Variants in IL5RA observed in about 807,000 individuals in gnomAD.
IL5RA encodes interleukin 5 receptor subunit alpha, also known as interleukin-5 receptor subunit alpha.
In IL5RA, 49 loss-of-function variants were observed where a neutral mutation model predicts 50.0. That is an observed-to-expected ratio of 0.98 (90% CI 0.78 to 1.24). The LOEUF is 1.24. IL5RA is among the 50% of genes most tolerant of loss of function. The pLI is 0.00. For synonymous variants in IL5RA, 202 were observed against 174.0 expected (o/e 1.16, Z -1.26); for missense variants, 600 against 500.4 (o/e 1.20, Z -1.90).
intron 9 of IL5RA, among the ~76,000 whole-genome samples, chr3:3,087,492 G>A (rs1034888968): frequency 6.6e-6 from 1 of 152,176 alleles, no homozygotes; most frequent in East Asian, 1.9e-4. Flanking sequence ...GGGTTAATTA[G>A]TTAATCAAAT....
chr3:3,091,529 C>G (rs765620249), intron 9 of IL5RA, among the ~76,000 whole-genome samples: 2 of 152,174 alleles, frequency 1.3e-5, no homozygotes, highest in East Asian at 3.9e-4. Flanking sequence ...GTCAGGAGTT[C>G]GAGACCAGCC....
rs1047865853 is a variant in IL5RA at position 3,069,400 on chromosome 3, T to C, written c.*825A>G. 1.3e-5 allele frequency: 2 copies of C among 152,240 alleles called. No homozygotes were observed. The highest frequency in any genetic ancestry group is 2.9e-5 in the Non-Finnish European group (2 of 68,044). The allele number at this position is 152,240 out of a possible 1,614,324, so 9.4% of individuals were successfully genotyped here. A position where few individuals can be genotyped will look rare whatever the true frequency, so the allele number is the denominator to read the frequency against. On this transcript the variant is annotated 3_prime_UTR_variant, in exon 12 of 12. Transcript: ENST00000446632. ...GTTCTGAAGTCTTTGGCAGCAAACA[T>C]CTCTTCAGAAAGTTCATTCTTGATT...
At chr3:3,093,937 T>C (rs1029750230) in intron 8 of IL5RA, among the ~76,000 whole-genome samples, 4 of 152,216 alleles carry the variant, frequency 2.6e-5, no homozygotes, top group African/African-American at 9.6e-5. Flanking sequence ...ACTTCATCTC[T>C]TTTGCCTCAC....
intron 2 of IL5RA, among the ~76,000 whole-genome samples, chr3:3,107,706 T>C (rs1420160973): frequency 6.6e-6 from 1 of 152,192 alleles, no homozygotes; most frequent in Non-Finnish European, 1.5e-5. Flanking sequence ...TCATATAACA[T>C]TTCATTGAGT....
At position 3,070,737 on chromosome 3, in the gene IL5RA, C is replaced by A. The variant is rs184717289; in HGVS notation, c.1177-426G>T. Among the ~76,000 whole-genome samples, 74 of 152,038 alleles carry A rather than the reference C, an allele frequency of 4.9e-4. 1 individual carries two copies. In the East Asian group the frequency reaches 0.013, roughly 26 times the overall value. On this transcript the variant is annotated intron_variant, in intron 11 of 11. Coordinates refer to ENST00000446632, the MANE Select transcript of IL5RA (RefSeq NM_175726.4). Reference sequence around the variant, plus strand: ...AGCTGGGACTACAAGTACACACCACCATGCCCGGCTAATTTTTGTATTTTT... The same window carrying A: ...AGCTGGGACTACAAGTACACACCACAATGCCCGGCTAATTTTTGTATTTTT...
intron 9 of IL5RA, among the ~76,000 whole-genome samples, chr3:3,080,173 G>A (rs9869655): frequency 0.14 from 21,103 of 152,208 alleles, 1,616 homozygotes; most frequent in East Asian, 0.26. Context: ...ACATATTTTT[G>A]CATTCGCTTT....
intron 5 of IL5RA, among the ~76,000 whole-genome samples, chr3:3,098,650 C>A (rs537551958): frequency 6.6e-6 from 1 of 152,250 alleles, no homozygotes; most frequent in East Asian, 1.9e-4. Flanking sequence ...TCAAGTGATC[C>A]ACCCACAGCC....
chr3:3,070,889 A>G lies in IL5RA; in HGVS notation c.1177-578T>C, dbSNP rs145295161. On this transcript the variant is annotated intron_variant, in intron 11 of 11. Coordinates refer to ENST00000446632, the MANE Select transcript of IL5RA (RefSeq NM_175726.4). ...AGCCACCACGCCCGGCCGGATACAC[A>G]TCTTTAAAAATTGATTTTTTTCTCT... Among the ~76,000 whole-genome samples the G allele has an allele frequency of 6.8e-4, 103 of 152,082 alleles. 3 individuals carry two copies. In the East Asian group the frequency reaches 0.019, roughly 28 times the overall value.
intron 11 of IL5RA, among the ~76,000 whole-genome samples, chr3:3,071,551 CAGTG>C (rs1385990272): frequency 3.7e-4 from 47 of 126,480 alleles, no homozygotes; most frequent in African/African-American, 1.4e-3. Flanking sequence ...TCTTCCTTCA[CAGTG>C]TGTGTGTGTG....
intron 11 of IL5RA, among the ~76,000 whole-genome samples, chr3:3,072,323 T>C (rs1338097273): frequency 6.6e-6 from 1 of 152,240 alleles, no homozygotes; most frequent in Non-Finnish European, 1.5e-5. Context: ...TTTGTTTTTA[T>C]GTGAAACTCT....
Position 3,094,429 on chromosome 3 carries a change from A to G in IL5RA, c.855+870T>C, listed in dbSNP as rs1456382743. Among the ~76,000 whole-genome samples, 4 of 152,320 alleles carry G rather than the reference A, an allele frequency of 2.6e-5. No individual in the cohort carries two copies. In the East Asian group the frequency reaches 7.7e-4, roughly 29 times the overall value. On this transcript the variant is annotated intron_variant, in intron 8 of 11. Transcript: ENST00000446632. Reference sequence around the variant, plus strand: ...CCTCAAGGCTCCTCCATGTGGTAGCATGTGTCAGAATCTCCTTCCTTTTAA... The same window carrying G: ...CCTCAAGGCTCCTCCATGTGGTAGCGTGTGTCAGAATCTCCTTCCTTTTAA...
chr3:3,086,216 T>G (rs1702856607), intron 9 of IL5RA, among the ~76,000 whole-genome samples: 1 of 152,212 alleles, frequency 6.6e-6, no homozygotes, highest in Non-Finnish European at 1.5e-5. Context: ...AAGTCTCTTT[T>G]CCTCAAGCAA....
chr3:3,105,712 T>C (rs577634630), intron 2 of IL5RA, among the ~76,000 whole-genome samples: 2 of 147,566 alleles, frequency 1.4e-5, no homozygotes, highest in Non-Finnish European at 3.0e-5. Flanking sequence ...AGTATTTCTA[T>C]GTCCTTGAAA....
chr3:3,098,277 G>T lies in IL5RA; in HGVS notation c.381C>A (p.Thr127=). 6.2e-7 allele frequency: 1 copy of T among 1,613,890 alleles called. No homozygotes were observed. Among genetic ancestry groups the T allele is most frequent in the South Asian group, 1.1e-5 (1 of 91,070 alleles). Residue 127 remains threonine (T), a synonymous_variant, in exon 6 of 12, where the codon ACC becomes ACA. Transcript: ENST00000446632. The part of the protein sequence containing the change: ...ELHAPPGSPG[T]SIVNLTCTTN... ...TGGTGCAAGTTAAATTCACAATTGA[G>T]GTTCCAGGAGACCCTAGGTAGTCAA... is the stretch of plus-strand genomic sequence containing the variant.
intron 9 of IL5RA, among the ~76,000 whole-genome samples, chr3:3,077,520 G>A (rs992931745): frequency 2.6e-5 from 4 of 152,314 alleles, no homozygotes; most frequent in East Asian, 3.9e-4. Context: ...GTAAATCCAA[G>A]CACTTTGGGA....
At chr3:3,107,132 A>G (rs1703961442) in intron 2 of IL5RA, among the ~76,000 whole-genome samples, 1 of 152,160 alleles carries the variant, frequency 6.6e-6, no homozygotes, top group Admixed American at 6.5e-5. Context: ...ATAAATAAAT[A>G]GACAGCTTTT....
chr3:3,099,871 T>G (rs1022981740), intron 5 of IL5RA, among the ~76,000 whole-genome samples: 1 of 152,004 alleles, frequency 6.6e-6, no homozygotes, highest in Non-Finnish European at 1.5e-5. Flanking sequence ...GGTTTCACCA[T>G]GTTGGCCAGG....
In IL5RA at chr3:3,070,295, T is replaced by G; in HGVS notation, c.1193A>C (p.Glu398Ala). The change falls in exon 12 of 12, where the codon GAG becomes GCG. Residue 398 changes from glutamate to alanine, a missense_variant. Glu to Ala is a moderately radical substitution (Grantham distance 107). Transcript: ENST00000446632. ...TTNYEKAGSS[E>A]TEIEVICYIE... ...ATAACAGATGACTTCAATTTCCGTC[T>G]CACTGGACCCAGCTTTCTGCAAAAC... 2 of 1,612,332 alleles carry G rather than the reference T, an allele frequency of 1.2e-6. 1 individual carries two copies.
chr3:3,070,305 C>T lies in IL5RA; in HGVS notation c.1183G>A (p.Gly395Arg), dbSNP rs1430267114. 1.2e-6 allele frequency: 2 copies of T among 1,608,784 alleles called. No individual in the cohort carries two copies. Among genetic ancestry groups the T allele is most frequent in the South Asian group, 1.1e-5 (1 of 90,528 alleles). ...ACTTCAATTTCCGTCTCACTGGACC[C>T]AGCTTTCTGCAAAACAAATCATCTT... ...LFVTTNYEKA[G>R]SSETEIEVIC... Residue 395 changes from glycine (G) to arginine (R), a missense_variant, in exon 12 of 12, where the codon GGG (glycine) becomes AGG (arginine). Transcript: ENST00000446632.
Sources: allele counts gnomAD v4.1 joint callset (sites outside exome capture counted in the v4.1 genomes callset), GRCh38; gene constraint gnomAD v4.1.1; transcripts MANE v1.5; gene names NCBI Gene and HGNC (gene_info 2026-07-23, HGNC 2026-07-21).